Variants in SENP7 observed in about 807,000 individuals in gnomAD.
SENP7 encodes sentrin-specific protease 7.
A neutral mutation model predicts 141.2 loss-of-function variants in SENP7; 64 were observed. The ratio of observed to expected loss-of-function variants is 0.45; its 90% CI spans 0.37 to 0.56. The LOEUF is 0.56. Ranked by LOEUF, SENP7 falls within the 20% of genes least tolerant of loss-of-function variation. The pLI is 0.00. For missense variants in SENP7, 1,025 were observed against 1,212.2 expected, an observed-to-expected ratio of 0.85 and a Z score of 2.29; for synonymous variants, 382 against 426.4, an observed-to-expected ratio of 0.90 and a Z score of 1.28.
At chr3:101,446,685 T>C (rs972466509) in intron 4 of SENP7, among the ~76,000 whole-genome samples, 1 of 151,860 alleles carries the variant, frequency 6.6e-6, no homozygotes, top group Admixed American at 6.6e-5. Context: ...TCTGAAGAAA[T>C]TAAAAGAAAA....
chr3:101,465,797 C>T (rs2063739872), intron 3 of SENP7, among the ~76,000 whole-genome samples: 1 of 151,594 alleles, frequency 6.6e-6, no homozygotes, highest in Admixed American at 6.6e-5. Flanking sequence ...ATAAGAGACC[C>T]ATAAGAAAAG....
rs151209911 is a variant in SENP7 at position 101,443,517 on chromosome 3, T to C, written c.284+15438A>G. On this transcript the variant is annotated intron_variant, in intron 4 of 23. Transcript: ENST00000394095. ...CATTGGTAGCTTGATGGGGATGCCA[T>C]TGAATCTATAAATTACCTTGGGCGG... 5.7e-3 allele frequency among the ~76,000 whole-genome samples: 865 copies of C among 151,986 alleles called. 16 individuals carry two copies. Among genetic ancestry groups the C allele is most frequent in the African/African-American group, 0.019 (794 of 41,418 alleles).
Position 101,364,852 on chromosome 3 carries a change from A to T in SENP7, c.1458T>A (p.Ile486=). Residue 486 remains isoleucine, a synonymous_variant, in exon 10 of 24, where the codon ATT becomes ATA. Coordinates refer to ENST00000394095, the MANE Select transcript of SENP7 (RefSeq NM_020654.5). The stretch of plus-strand genomic sequence containing the variant: ...AAATTACCTGTACAGATTCACATGT[A>T]ATCAATGGTAGTTCTAACAATGCTG... ...SESALLELPL[I]TCESVQMSSE... is the part of the protein sequence containing the mutation. 6.3e-7 allele frequency: 1 copy of T among 1,596,424 alleles called. No individual in the cohort carries two copies. Among genetic ancestry groups the T allele is most frequent in the Non-Finnish European group, 8.5e-7 (1 of 1,170,716 alleles).
intron 4 of SENP7, among the ~76,000 whole-genome samples, chr3:101,422,862 T>C (rs987110167): frequency 1.3e-5 from 2 of 151,630 alleles, no homozygotes; most frequent in Non-Finnish European, 3.0e-5. Flanking sequence ...AAAAATACAC[T>C]GGTTTTCCAG....
At chr3:101,455,328 C>G (rs1250699526) in intron 4 of SENP7, among the ~76,000 whole-genome samples, 1 of 152,116 alleles carries the variant, frequency 6.6e-6, no homozygotes, top group African/African-American at 2.4e-5. Flanking sequence ...TGAGATAAGG[C>G]CAATGCTACT....
At chr3:101,391,513 C>T (rs2060815355) in intron 6 of SENP7, among the ~76,000 whole-genome samples, 1 of 152,044 alleles carries the variant, frequency 6.6e-6, no homozygotes, top group Non-Finnish European at 1.5e-5. Context: ...TTCCTAGAGA[C>T]ATACAACCTA....
chr3:101,491,319 C>T (rs1246962372), intron 3 of SENP7, among the ~76,000 whole-genome samples: 1 of 86,958 alleles, frequency 1.1e-5, no homozygotes, highest in Non-Finnish European at 2.6e-5. Context: ...AACAGGATCT[C>T]GCTATATTTC....
At chr3:101,427,005 C>T (rs1240443456) in intron 4 of SENP7, among the ~76,000 whole-genome samples, 1 of 152,184 alleles carries the variant, frequency 6.6e-6, no homozygotes, top group East Asian at 1.9e-4. Context: ...ATGAGGCCAG[C>T]ATCATCCTGA....
chr3:101,498,003 C>T (rs963105483), intron 2 of SENP7, among the ~76,000 whole-genome samples: 2 of 152,084 alleles, frequency 1.3e-5, no homozygotes, highest in Non-Finnish European at 2.9e-5. Context: ...CACTATGTTG[C>T]CCAGGCTGGC....
At chr3:101,512,632 TC>T (rs1308344331) in intron 1 of SENP7, among the ~76,000 whole-genome samples, 1 of 151,910 alleles carries the variant, frequency 6.6e-6, no homozygotes, top group East Asian at 1.9e-4. Flanking sequence ...CCACCTTTCC[TC>T]CCCAGCAGCA....
chr3:101,384,948 A>G (rs2060610491), intron 6 of SENP7, among the ~76,000 whole-genome samples: 1 of 152,228 alleles, frequency 6.6e-6, no homozygotes, highest in South Asian at 2.1e-4. Context: ...AGTATTGGGT[A>G]TTTCACTAAT....
chr3:101,326,072 A>T lies in SENP7; in HGVS notation c.3024T>A (p.Ile1008=). ...QYVESFFKDP[I]VNFELPIHLE... ...AATGAATTGGAAGTTCAAAGTTAAC[A>T]ATAGGATCCTAATGAGAGGAAAAAA... is the stretch of plus-strand genomic sequence containing the variant. The change falls in exon 24 of 24, where the codon ATT becomes ATA. Residue 1008 remains isoleucine (I), a synonymous_variant. Coordinates refer to ENST00000394095, the MANE Select transcript of SENP7 (RefSeq NM_020654.5). 1 of 1,604,648 alleles carries T rather than the reference A, an allele frequency of 6.2e-7. No homozygotes were observed. Among genetic ancestry groups the T allele is most frequent in the South Asian group, 1.1e-5 (1 of 89,838 alleles).
At position 101,512,944 on chromosome 3, in the gene SENP7, G is replaced by C. The variant is rs558489228; in HGVS notation, c.40+147C>G. 5.3e-5 allele frequency: 46 copies of C among 864,306 alleles called. 2 individuals carry two copies. The highest frequency in any genetic ancestry group is 6.6e-4 in the Middle Eastern group (2 of 3,012). 53.5% of individuals were successfully genotyped at this position (864,306 alleles called of 1,614,324 possible). A position where few individuals can be genotyped will look rare whatever the true frequency, so the allele number is the denominator to read the frequency against. On this transcript the variant is annotated intron_variant, in intron 1 of 23. Transcript: ENST00000394095. ...CGACTCCAGGGGCGGGGGCGACCCG[G>C]GAGCCTTCCATTGTGCGCGCCCCTT...
intron 6 of SENP7, among the ~76,000 whole-genome samples, chr3:101,396,301 G>A (rs149590914): frequency 7.2e-5 from 11 of 152,270 alleles, no homozygotes; most frequent in Non-Finnish European, 1.3e-4. Flanking sequence ...CCCCAGAATG[G>A]CATAAAGGCA....
At chr3:101,464,370 G>T (rs576683385) in intron 3 of SENP7, among the ~76,000 whole-genome samples, 32 of 152,282 alleles carry the variant, frequency 2.1e-4, no homozygotes, top group Middle Eastern at 3.4e-3. Context: ...CGCACAGCAG[G>T]AGGTGAGCGG....
At chr3:101,328,386 C>A in intron 22 of SENP7, 92 bp downstream of exon 22, 2 of 780,774 alleles carry the variant, frequency 2.6e-6, no homozygotes, top group Non-Finnish European at 2.1e-6. Flanking sequence ...AATATAATTC[C>A]TGATATAGTC....
At chr3:101,455,639 A>T (rs1195826298) in intron 4 of SENP7, among the ~76,000 whole-genome samples, 2 of 152,198 alleles carry the variant, frequency 1.3e-5, no homozygotes, top group African/African-American at 2.4e-5. Context: ...GAATCCCATT[A>T]AAAGAGAAAA....
At chr3:101,365,063 C>T (rs2059999888) in intron 9 of SENP7, 72 bp from the exon 10 acceptor site, 1 of 1,059,568 alleles carries the variant, frequency 9.4e-7, no homozygotes, top group Non-Finnish European at 1.3e-6. Flanking sequence ...GACACAGTCT[C>T]CCCATCTCGG....
intron 4 of SENP7, among the ~76,000 whole-genome samples, chr3:101,430,197 CT>C (rs1396048529): frequency 3.3e-5 from 5 of 152,088 alleles, no homozygotes; most frequent in African/African-American, 4.8e-5. Context: ...TGATGCTGGC[CT>C]CATAAAATGA....
Sources: allele counts gnomAD v4.1 joint callset (sites outside exome capture counted in the v4.1 genomes callset), GRCh38; gene constraint gnomAD v4.1.1; transcripts MANE v1.5; gene names NCBI Gene and HGNC (gene_info 2026-07-23, HGNC 2026-07-21).